Variants in GMPR observed in about 807,000 individuals in gnomAD.
GMPR encodes GMP reductase 1.
GMPR carries 31 observed loss-of-function variants against 38.4 expected under a neutral mutation model. The ratio of observed to expected loss-of-function variants is 0.81; its 90% CI spans 0.61 to 1.09. The LOEUF is 1.09. GMPR is among the 50% of genes least tolerant of loss of function. The pLI is 0.00. For missense variants in GMPR, 468 were observed against 453.7 expected (o/e 1.03, Z -0.29); for synonymous variants, 162 against 173.3 (o/e 0.93, Z 0.51).
At chr6:16,265,277 C>A (rs1181163057) in intron 4 of GMPR, among the ~76,000 whole-genome samples, 2 of 152,158 alleles carry the variant, frequency 1.3e-5, no homozygotes, top group Non-Finnish European at 2.9e-5. Flanking sequence ...AATAACAAAT[C>A]TTTGAGTAGA....
At chr6:16,288,518 C>G (rs910354810) in intron 7 of GMPR, among the ~76,000 whole-genome samples, 1 of 152,226 alleles carries the variant, frequency 6.6e-6, no homozygotes, top group South Asian at 2.1e-4. Flanking sequence ...ACCTGCCGCC[C>G]GCCATGGCTG....
intron 6 of GMPR, among the ~76,000 whole-genome samples, chr6:16,283,120 A>G (rs1160153693): frequency 6.6e-6 from 1 of 152,168 alleles, no homozygotes; most frequent in Non-Finnish European, 1.5e-5. Flanking sequence ...CTGAGCAAGT[A>G]TTTTTAAGCA....
At chr6:16,264,834 G>T (rs1759159147) in intron 4 of GMPR, among the ~76,000 whole-genome samples, 1 of 152,228 alleles carries the variant, frequency 6.6e-6, no homozygotes, top group South Asian at 2.1e-4. Flanking sequence ...CGGCCATCTG[G>T]ATGTGTACAT....
At chr6:16,265,194 C>T (rs1759169465) in intron 4 of GMPR, among the ~76,000 whole-genome samples, 2 of 152,222 alleles carry the variant, frequency 1.3e-5, no homozygotes, top group Admixed American at 6.5e-5. Context: ...TTCAAGTAGT[C>T]CTCCTACCTC....
intron 1 of GMPR, among the ~76,000 whole-genome samples, chr6:16,240,941 C>T (rs1459003678): frequency 6.6e-6 from 1 of 151,936 alleles, no homozygotes; most frequent in Non-Finnish European, 1.5e-5. Context: ...GAGGCTGCTG[C>T]CTGGCTGGCC....
chr6:16,282,607 T>C (rs1158745253), intron 6 of GMPR, among the ~76,000 whole-genome samples: 1 of 152,220 alleles, frequency 6.6e-6, no homozygotes, highest in Non-Finnish European at 1.5e-5. Context: ...TCCTTCAGGT[T>C]CATGAGTTTG....
chr6:16,289,326 T>A (rs1013038767), intron 7 of GMPR, among the ~76,000 whole-genome samples: 1 of 152,178 alleles, frequency 6.6e-6, no homozygotes, highest in Non-Finnish European at 1.5e-5. Context: ...ACAGTAGCAG[T>A]TCCTTAGTTA....
At chr6:16,253,033 G>A (rs1189851479) in intron 3 of GMPR, among the ~76,000 whole-genome samples, 2 of 152,244 alleles carry the variant, frequency 1.3e-5, no homozygotes, top group Non-Finnish European at 2.9e-5. Flanking sequence ...GTTTCACTAA[G>A]GCATAAATTA....
At chr6:16,250,800 G>A (rs1758856996) in intron 3 of GMPR, among the ~76,000 whole-genome samples, 1 of 151,986 alleles carries the variant, frequency 6.6e-6, no homozygotes, top group African/African-American at 2.4e-5. Context: ...CCAGCACTTT[G>A]GGAGGCTGAG....
rs1207713224 is a variant in GMPR at position 16,286,515 on chromosome 6, A to G, written c.697+680A>G. ...GGGTGCCGGCGGGAGGCAGAAACGAAGCTCCCATGCCTCCGCCCTTTGCTG... is the reference window on the plus strand; with the variant it reads ...GGGTGCCGGCGGGAGGCAGAAACGAGGCTCCCATGCCTCCGCCCTTTGCTG... On this transcript the variant is annotated intron_variant, in intron 7 of 8. Coordinates refer to ENST00000259727, the MANE Select transcript of GMPR (RefSeq NM_006877.4). Among the ~76,000 whole-genome samples the G allele has an allele frequency of 6.6e-5, 10 of 151,998 alleles. No homozygotes were observed. The East Asian group carries it at 1.9e-3, about 29-fold the overall frequency.
At chr6:16,251,100 G>A (rs576184092) in intron 3 of GMPR, among the ~76,000 whole-genome samples, 2 of 152,256 alleles carry the variant, frequency 1.3e-5, no homozygotes, top group East Asian at 3.9e-4. Flanking sequence ...AATGTTCATG[G>A]CAGCGTTATT....
chr6:16,268,097 A>G (rs1416182442), intron 4 of GMPR, among the ~76,000 whole-genome samples: 1 of 152,168 alleles, frequency 6.6e-6, no homozygotes, highest in East Asian at 1.9e-4. Flanking sequence ...AGGGGTGTGT[A>G]TGGCTGAGAG....
rs536773821 is a variant in GMPR at position 16,249,448 on chromosome 6, G to A, written c.208-836G>A. The stretch of plus-strand genomic sequence containing the variant: ...GCCTCCCCAAATGCTGGGATTACAG[G>A]AATGTGCCACCACGCTTAGCAAATT... On this transcript the variant is annotated intron_variant, in intron 2 of 8. Transcript: ENST00000259727. Among the ~76,000 whole-genome samples the A allele has an allele frequency of 2.6e-5, 4 of 152,250 alleles. No individual in the cohort carries two copies. In the South Asian group the frequency reaches 8.3e-4, roughly 32 times the overall value.
At position 16,295,097 on chromosome 6, in the gene GMPR, A is replaced by T; in HGVS notation, c.949A>T (p.Thr317Ser). ...DILGGLRSTCTYVGAAKLKEL... is the reference protein window; with the variant it reads ...DILGGLRSTCSYVGAAKLKEL... ...TCTCGGGGGACTGAGGTCCACGTGCACCTACGTGGGGGCCGCCAAACTCAA... is the reference window on the plus strand; with the variant it reads ...TCTCGGGGGACTGAGGTCCACGTGCTCCTACGTGGGGGCCGCCAAACTCAA... Residue 317 changes from threonine to serine, a missense_variant, in exon 9 of 9, where the codon ACC (threonine) becomes TCC (serine). Coordinates refer to ENST00000259727, the MANE Select transcript of GMPR (RefSeq NM_006877.4). The T allele has an allele frequency of 6.3e-7, 1 of 1,582,316 alleles. No homozygotes were observed. The highest frequency in any genetic ancestry group is 8.6e-7 in the Non-Finnish European group (1 of 1,169,050).
chr6:16,285,726 G>T (rs1023247073), intron 6 of GMPR, 67 bp from the exon 7 acceptor site: 5 of 1,348,832 alleles, frequency 3.7e-6, no homozygotes, highest in South Asian at 2.4e-5. Flanking sequence ...AGGTCATCTG[G>T]GGGGAGGGGA....
chr6:16,267,264 C>G (rs1488065635), intron 4 of GMPR, among the ~76,000 whole-genome samples: 1 of 151,946 alleles, frequency 6.6e-6, no homozygotes, highest in African/African-American at 2.4e-5. Flanking sequence ...CCCAGCTACT[C>G]GGGAGGCTGA....
rs139268034 is a variant in GMPR, at chr6:16,290,599, G to A, written c.835G>A (p.Ala279Thr). 152 of 1,614,172 alleles carry A rather than the reference G, an allele frequency of 9.4e-5. 1 individual carries two copies. In the African/African-American group the frequency reaches 1.7e-3, roughly 18 times the overall value. The change falls in exon 8 of 9, where the codon GCA (alanine) becomes ACA (threonine). Residue 279 changes from alanine (A) to threonine (T), a missense_variant. Physicochemically the swap from Ala to Thr is moderately conservative, Grantham distance 58 (BLOSUM62 0). Coordinates refer to ENST00000259727, the MANE Select transcript of GMPR (RefSeq NM_006877.4). ...CTCTGACACCGCCATGAACAAGCAC[G>A]CAGGAGGAGTTGCTGAGTACAGGTG... ...MSSDTAMNKH[A>T]GGVAEYRASE... is the part of the protein sequence containing the mutation.
chr6:16,247,958 A>C (rs546033165), intron 2 of GMPR, among the ~76,000 whole-genome samples: 1 of 152,094 alleles, frequency 6.6e-6, no homozygotes, highest in Non-Finnish European at 1.5e-5. Context: ...GGCTGGGCAT[A>C]GTGGCTCACA....
At position 16,250,153 on chromosome 6, in the gene GMPR, T is replaced by G. The variant is rs1581647711; in HGVS notation, c.208-131T>G. On this transcript the variant is annotated intron_variant, in intron 2 of 8. Transcript: ENST00000259727. Reference sequence around the variant, plus strand: ...TTTGGTTTTGGCTGCTAGGAGCACATTCAAAGCAAATTAAGCATGGATGGC... The same window carrying G: ...TTTGGTTTTGGCTGCTAGGAGCACAGTCAAAGCAAATTAAGCATGGATGGC... 39 of 686,066 alleles carry G rather than the reference T, an allele frequency of 5.7e-5. No homozygotes were observed. In the East Asian group the frequency reaches 1.0e-3, roughly 18 times the overall value. The allele number at this position is 686,066 out of a possible 1,614,324, so 42.5% of individuals were successfully genotyped here.
Sources: gnomAD v4.1 joint callset for allele counts (sites outside exome capture counted in the v4.1 genomes callset) on GRCh38, gnomAD v4.1.1 for gene constraint, MANE v1.5 for transcripts, NCBI Gene and HGNC (gene_info 2026-07-23, HGNC 2026-07-21) for gene names.